NAALADL2: variants seen among roughly 807,000 people sequenced by gnomAD.
NAALADL2 encodes N-acetylated alpha-linked acidic dipeptidase like 2.
Under a neutral mutation model 87.2 loss-of-function variants are expected in NAALADL2, and 76 were observed. The observed-to-expected ratio is 0.87, with a 90% CI of 0.72 to 1.05. The LOEUF (loss-of-function observed/expected upper bound fraction) is 1.05, where lower values mean the gene tolerates loss of function less well. NAALADL2 is among the 50% of genes least tolerant of loss of function. The pLI, the probability that NAALADL2 is intolerant of heterozygous loss-of-function variation, is 0.00. For synonymous variants in NAALADL2, 354 were observed against 331.0 expected (o/e 1.07, Z -0.75); for missense variants, 1,089 against 945.8 (o/e 1.15, Z -1.99).
At chr3:175,489,068 C>T (rs1482029616) in intron 9 of NAALADL2, among the ~76,000 whole-genome samples, 2 of 152,088 alleles carry the variant, frequency 1.3e-5, no homozygotes, top group African/African-American at 2.4e-5. Flanking sequence ...TGAAAAATTA[C>T]GTTTATCAAA....
intron 2 of NAALADL2, among the ~76,000 whole-genome samples, chr3:174,564,201 G>C (rs1713963133): frequency 6.6e-6 from 1 of 152,144 alleles, no homozygotes. Flanking sequence ...TATTTAGCAA[G>C]ATTTTAATCT....
intron 2 of NAALADL2, among the ~76,000 whole-genome samples, chr3:175,189,394 C>CA (rs1352855227): frequency 6.6e-6 from 1 of 152,054 alleles, no homozygotes; most frequent in Admixed American, 6.5e-5. Context: ...TTGCAGGATA[C>CA]AAAATCAATG....
intron 1 of NAALADL2, among the ~76,000 whole-genome samples, chr3:174,896,133 C>T (rs377739486): frequency 6.6e-6 from 1 of 152,012 alleles, no homozygotes; most frequent in Non-Finnish European, 1.5e-5. Context: ...GCCAAGAATA[C>T]CACCTGTCAC....
chr3:175,504,238 C>G (rs1209318543), intron 9 of NAALADL2, among the ~76,000 whole-genome samples: 1 of 152,136 alleles, frequency 6.6e-6, no homozygotes, highest in Non-Finnish European at 1.5e-5. Flanking sequence ...TCAAAGAGGA[C>G]ACTTTTGACT....
At chr3:174,619,724 AACC>A (rs1407245192) in intron 2 of NAALADL2, among the ~76,000 whole-genome samples, 6 of 151,956 alleles carry the variant, frequency 3.9e-5, no homozygotes, top group African/African-American at 1.4e-4. Flanking sequence ...ATCTATTTGT[AACC>A]ACAGCTTTCT....
intron 3 of NAALADL2, among the ~76,000 whole-genome samples, chr3:175,238,480 TAA>T (rs1746292840): frequency 6.6e-6 from 1 of 152,168 alleles, no homozygotes; most frequent in Admixed American, 6.5e-5. Context: ...GCAAATTAGA[TAA>T]AGACACTATT....
rs1193800299 is a variant in NAALADL2, at chr3:174,682,399, T to C, written c.-114-55242T>C. 2.0e-5 allele frequency among the ~76,000 whole-genome samples: 3 copies of C among 151,942 alleles called. No individual in the cohort carries two copies. The East Asian group carries it at 5.9e-4, about 30-fold the overall frequency. ...CTGCTGTTGATAGAGCCCTAGGTCTTTGAGTGAACTTAGGTGATAGCCAGG... is the reference window on the plus strand; with the variant it reads ...CTGCTGTTGATAGAGCCCTAGGTCTCTGAGTGAACTTAGGTGATAGCCAGG... On this transcript the variant is annotated intron_variant, in intron 2 of 3. Transcript: ENST00000434257.
chr3:175,009,409 T>A (rs1749486068), intron 1 of NAALADL2, among the ~76,000 whole-genome samples: 1 of 152,120 alleles, frequency 6.6e-6, no homozygotes, highest in African/African-American at 2.4e-5. Context: ...CACGCCACCA[T>A]AAACGAAAGC....
intron 5 of NAALADL2, among the ~76,000 whole-genome samples, chr3:175,326,779 C>G (rs76540231): frequency 6.6e-6 from 1 of 152,102 alleles, no homozygotes; most frequent in East Asian, 1.9e-4. Context: ...CTCAAAATAA[C>G]GCGCCTGCTC....
chr3:174,551,049 G>A (rs1056749493), intron 2 of NAALADL2: 1 of 151,676 alleles, frequency 6.6e-6, no homozygotes, highest in Non-Finnish European at 1.5e-5. Context: ...AATGTGCAGG[G>A]TAGTTACATA....
intron 3 of NAALADL2, among the ~76,000 whole-genome samples, chr3:175,238,733 G>A (rs560201613): frequency 1.3e-5 from 2 of 152,168 alleles, no homozygotes; most frequent in South Asian, 4.1e-4. Flanking sequence ...ATAAGGCGCT[G>A]GTGATTTTTC....
At chr3:175,258,574 A>G (rs887495746) in intron 4 of NAALADL2, among the ~76,000 whole-genome samples, 7 of 152,150 alleles carry the variant, frequency 4.6e-5, no homozygotes, top group Non-Finnish European at 8.8e-5. Flanking sequence ...AATAATGTAA[A>G]ATAGGTTAGA....
intron 2 of NAALADL2, among the ~76,000 whole-genome samples, chr3:174,605,898 A>T (rs1718993275): frequency 6.6e-6 from 1 of 152,222 alleles, no homozygotes; most frequent in Admixed American, 6.5e-5. Context: ...ATCCCCGAGC[A>T]GCCTAACTGG....
chr3:174,595,191 C>T (rs899268010), intron 2 of NAALADL2, among the ~76,000 whole-genome samples: 1 of 152,082 alleles, frequency 6.6e-6, no homozygotes, highest in Non-Finnish European at 1.5e-5. Context: ...CTGGAGGGTG[C>T]CACTCCTTCC....
intron 2 of NAALADL2, among the ~76,000 whole-genome samples, chr3:174,707,483 C>A (rs568643817): frequency 6.6e-6 from 1 of 152,078 alleles, no homozygotes. Context: ...AGGATGAGTT[C>A]ATGTCCTTTG....
At chr3:174,817,279 T>C (rs16864800) in intron 3 of NAALADL2, among the ~76,000 whole-genome samples, 40,947 of 152,154 alleles carry the variant, frequency 0.27, 5,705 homozygotes, top group East Asian at 0.43. Context: ...AGACAACTTA[T>C]GTGAAAGTAT....
Position 175,790,596 on chromosome 3 carries a change from C to T in NAALADL2, c.2190-12409C>T, listed in dbSNP as rs550028734. 5.4e-4 allele frequency among the ~76,000 whole-genome samples: 82 copies of T among 152,252 alleles called. 1 individual carries two copies. Among genetic ancestry groups the T allele is most frequent in the African/African-American group, 1.7e-3 (71 of 41,548 alleles). On this transcript the variant is annotated intron_variant, in intron 13 of 13. Transcript: ENST00000454872. Reference sequence around the variant, plus strand: ...TGTTTAAACAACACATATGATGCAACGTCTAAGATTCCTAGTTTCAGTTTC... The same window carrying T: ...TGTTTAAACAACACATATGATGCAATGTCTAAGATTCCTAGTTTCAGTTTC...
At chr3:174,840,518 T>G (rs1431369612) in intron 3 of NAALADL2, among the ~76,000 whole-genome samples, 1 of 152,146 alleles carries the variant, frequency 6.6e-6, no homozygotes. Flanking sequence ...GAATAAATAT[T>G]TAAAGTCAAG....
intron 3 of NAALADL2, among the ~76,000 whole-genome samples, chr3:175,255,524 A>T (rs1749781303): frequency 6.6e-6 from 1 of 152,210 alleles, no homozygotes; most frequent in Non-Finnish European, 1.5e-5. Flanking sequence ...GCAGATTTAC[A>T]TTATAATATA....
Sources: allele counts gnomAD v4.1 joint callset (sites outside exome capture counted in the v4.1 genomes callset), GRCh38; gene constraint gnomAD v4.1.1; transcripts MANE v1.5; gene names NCBI Gene and HGNC (gene_info 2026-07-23, HGNC 2026-07-21).